The following HEMK2 variants were observed in gnomAD, a reference collection of about 807,000 sequenced individuals.
HEMK2 encodes the protein HemK methyltransferase 2, ETF1 glutamine and histone H4 lysine.
chr21:28,776,761 C>G, the HEMK2 span, among the ~76,000 whole-genome samples: 2 of 152,102 alleles, frequency 1.3e-5, no homozygotes. Context: ...AACTTGGAGT[C>G]CAATGTTCAA....
the HEMK2 span, among the ~76,000 whole-genome samples, chr21:28,681,782 C>G: frequency 4.6e-5 from 7 of 151,768 alleles, no homozygotes; most frequent in African/African-American, 2.4e-5. Context: ...ACAAACCTGA[C>G]AAAAACAAGC....
the HEMK2 span, among the ~76,000 whole-genome samples, chr21:28,707,256 A>ATTTT: frequency 7.1e-6 from 1 of 140,090 alleles, no homozygotes; most frequent in African/African-American, 2.7e-5. Context: ...CACAATTTTA[A>ATTTT]TTTTTTTTTT....
At chr21:28,596,404 G>A in the HEMK2 span, among the ~76,000 whole-genome samples, 1 of 152,054 alleles carries the variant, frequency 6.6e-6, no homozygotes, top group African/African-American at 2.4e-5. Flanking sequence ...GATCTTCTCA[G>A]TATTACAACA....
chr21:28,791,471 A>G, the HEMK2 span, among the ~76,000 whole-genome samples: 6 of 152,180 alleles, frequency 3.9e-5, no homozygotes, highest in African/African-American at 1.4e-4. Flanking sequence ...ACATAATTCA[A>G]AAAAAGGGTG....
the HEMK2 span, chr21:28,875,954 T>C: frequency 6.5e-6 from 1 of 153,514 alleles, no homozygotes; most frequent in African/African-American, 2.4e-5. Flanking sequence ...TAATATTTTG[T>C]GGAAGGGAAA....
the HEMK2 span, among the ~76,000 whole-genome samples, chr21:28,877,536 AAG>A: frequency 1.4e-5 from 2 of 146,636 alleles, no homozygotes; most frequent in Non-Finnish European, 3.0e-5. Context: ...AAGAGAAGAG[AAG>A]AGAGAGAGAT....
At chr21:28,840,939 GAACT>G in the HEMK2 span, among the ~76,000 whole-genome samples, 1 of 137,254 alleles carries the variant, frequency 7.3e-6, no homozygotes, top group African/African-American at 2.7e-5. Flanking sequence ...CAAAATCGTG[GAACT>G]AACCCAAATG....
the HEMK2 span, among the ~76,000 whole-genome samples, chr21:28,681,001 A>T: frequency 1.3e-5 from 2 of 152,188 alleles, no homozygotes; most frequent in African/African-American, 4.8e-5. Context: ...CAAGACAGGG[A>T]TGCCCTCTCT....
At chr21:28,653,808 T>C in the HEMK2 span, among the ~76,000 whole-genome samples, 5 of 152,136 alleles carry the variant, frequency 3.3e-5, no homozygotes, top group Non-Finnish European at 7.4e-5. Context: ...GTCTAATGCA[T>C]GCACTAGCAA....
the HEMK2 span, among the ~76,000 whole-genome samples, chr21:28,742,573 G>T: frequency 9.2e-5 from 14 of 152,094 alleles, no homozygotes; most frequent in Non-Finnish European, 1.2e-4. Context: ...TTGTAGTACA[G>T]GCCATGAGAG....
At chr21:28,661,513 G>C in the HEMK2 span, among the ~76,000 whole-genome samples, 1 of 151,918 alleles carries the variant, frequency 6.6e-6, no homozygotes, top group Non-Finnish European at 1.5e-5. Context: ...GCTAGGTTTT[G>C]CTGTCTCTGT....
chr21:28,819,283 T>A, the HEMK2 span, among the ~76,000 whole-genome samples: 2 of 146,550 alleles, frequency 1.4e-5, no homozygotes, highest in Middle Eastern at 3.5e-3. Flanking sequence ...CCATGCAGTT[T>A]ATTAGCTCAA....
chr21:28,819,729 T>G, the HEMK2 span, among the ~76,000 whole-genome samples: 1 of 151,950 alleles, frequency 6.6e-6, no homozygotes, highest in Admixed American at 6.6e-5. Flanking sequence ...TTTGTATTTT[T>G]AGTAGAGACG....
the HEMK2 span, among the ~76,000 whole-genome samples, chr21:28,876,890 G>C: frequency 1.7e-4 from 25 of 151,488 alleles, no homozygotes; most frequent in African/African-American, 6.1e-4. Context: ...TGCACAGTGA[G>C]AGTGAAAGAA....
At chr21:28,659,744 G>A in the HEMK2 span, among the ~76,000 whole-genome samples, 4 of 152,062 alleles carry the variant, frequency 2.6e-5, no homozygotes, top group African/African-American at 9.7e-5. Context: ...CTCCATATCA[G>A]ATAAGGTAAG....
chr21:28,587,180 A>C, the HEMK2 span, among the ~76,000 whole-genome samples: 863 of 79,500 alleles, frequency 0.011, 16 homozygotes, highest in Non-Finnish European at 7.7e-3. Context: ...ATAAACAAAA[A>C]AAAAAAAAAC....
the HEMK2 span, among the ~76,000 whole-genome samples, chr21:28,646,349 A>G: frequency 6.6e-6 from 1 of 152,196 alleles, no homozygotes; most frequent in Admixed American, 6.5e-5. Flanking sequence ...TCCCTGCTTC[A>G]TACATAAAAG....
the HEMK2 span, among the ~76,000 whole-genome samples, chr21:28,644,132 T>C: frequency 6.6e-6 from 1 of 152,206 alleles, no homozygotes; most frequent in East Asian, 1.9e-4. Flanking sequence ...AGAGGCTTAA[T>C]TGACCCACAG....
At chr21:28,835,900 T>C in the HEMK2 span, among the ~76,000 whole-genome samples, 43 of 151,670 alleles carry the variant, frequency 2.8e-4, 2 homozygotes, top group Admixed American at 2.6e-3. Flanking sequence ...CAGAGCTCAA[T>C]GACATGGTCG....
Sources: allele counts gnomAD v4.1 joint callset (sites outside exome capture counted in the v4.1 genomes callset), GRCh38; gene constraint gnomAD v4.1.1; transcripts MANE v1.5; gene names NCBI Gene and HGNC (gene_info 2026-07-23, HGNC 2026-07-21).